OR8K3: variants seen among roughly 807,000 people sequenced by gnomAD.
The protein encoded by OR8K3 is olfactory receptor family 8 subfamily K member 3 (gene/pseudogene), also known as olfactory receptor 8K3.
For missense variants in OR8K3, 448 were observed against 367.4 expected, an observed-to-expected ratio of 1.22 and a Z score of -1.79; for synonymous variants, 167 against 138.8, an observed-to-expected ratio of 1.20 and a Z score of -1.43.
intron 2 of OR8K3, among the ~76,000 whole-genome samples, chr11:56,316,440 A>G (rs991249818): frequency 2.0e-5 from 3 of 151,568 alleles, no homozygotes; most frequent in Non-Finnish European, 3.0e-5. Flanking sequence ...GATTTTTTTT[A>G]ACTAATAATG....
chr11:56,316,942 A>C (rs1047391339), intron 2 of OR8K3, among the ~76,000 whole-genome samples: 5 of 152,006 alleles, frequency 3.3e-5, no homozygotes, highest in African/African-American at 9.7e-5. Context: ...ATATAAAAAT[A>C]ATTTATTTAA....
In OR8K3 at chr11:56,319,452, A is replaced by G. The variant is rs1228087159; in HGVS notation, c.*207A>G. On this transcript the variant is annotated 3_prime_UTR_variant, in exon 3 of 3. Transcript: ENST00000641662. ...CTTGATGGATAGATGAATTGTATTCACAATAAGTCCATTTTATATAACAGT... is the reference window on the plus strand; with the variant it reads ...CTTGATGGATAGATGAATTGTATTCGCAATAAGTCCATTTTATATAACAGT... The G allele has an allele frequency of 1.3e-5, 7 of 547,830 alleles. No homozygotes were observed. The highest frequency in any genetic ancestry group is 1.9e-5 in the Non-Finnish European group (6 of 308,750). 33.9% of individuals were successfully genotyped at this position (547,830 alleles called of 1,614,324 possible).
chr11:56,315,207 T>C (rs1854426074), intron 1 of OR8K3, 40 bp downstream of exon 1: 1 of 152,050 alleles, frequency 6.6e-6, no homozygotes, highest in South Asian at 2.1e-4. Flanking sequence ...TGTGGTGTCA[T>C]ATGTTACAGA....
intron 2 of OR8K3, among the ~76,000 whole-genome samples, chr11:56,316,949 T>A (rs1385989694): frequency 6.6e-6 from 1 of 151,962 alleles, no homozygotes; most frequent in Non-Finnish European, 1.5e-5. Context: ...AATAATTTAT[T>A]TAAAATGTTA....
chr11:56,320,255 A>T lies in OR8K3; in HGVS notation c.*1010A>T, dbSNP rs985955821. 3 of 152,104 alleles carry T rather than the reference A, an allele frequency of 2.0e-5. No individual in the cohort carries two copies. The highest frequency in any genetic ancestry group is 7.2e-5 in the African/African-American group (3 of 41,404). 9.4% of individuals were successfully genotyped at this position (152,104 alleles called of 1,614,324 possible). Reference sequence around the variant, plus strand: ...CTTCACTGTTTGATTGCATCAGTTGATTTTTCTACTTGTACAAAGCAAATA... The same window carrying T: ...CTTCACTGTTTGATTGCATCAGTTGTTTTTTCTACTTGTACAAAGCAAATA... On this transcript the variant is annotated 3_prime_UTR_variant, in exon 3 of 3. Transcript: ENST00000641662.
rs745419344 is a variant in OR8K3, at chr11:56,318,608, T to A, written c.302T>A (p.Leu101Gln). 6.2e-7 allele frequency: 1 copy of A among 1,613,926 alleles called. No individual in the cohort carries two copies. The highest frequency in any genetic ancestry group is 1.3e-5 in the African/African-American group (1 of 75,048). ...TCTTATTATTTTTGTGCAACACAGCTAGCTTTCTTTCTTGTGTTCATTGGT... is the reference window on the plus strand; with the variant it reads ...TCTTATTATTTTTGTGCAACACAGCAAGCTTTCTTTCTTGTGTTCATTGGT... The part of the protein sequence containing the change: ...IISYYFCATQ[L>Q]AFFLVFIGSE... Residue 101 changes from leucine to glutamine, a missense_variant, in exon 3 of 3, where the codon CTA becomes CAA. Coordinates refer to ENST00000641662, the MANE Select transcript of OR8K3 (RefSeq NM_001005202.2).
chr11:56,319,140 C>A lies in OR8K3; in HGVS notation c.834C>A (p.Thr278=), dbSNP rs757529357. 1.9e-6 allele frequency: 3 copies of A among 1,613,206 alleles called. No individual in the cohort carries two copies. The highest frequency in any genetic ancestry group is 2.5e-6 in the Non-Finnish European group (3 of 1,179,214). ...ATAAAGTGGCTTCCATATTTTACAC[C>A]CTGGTTATCCCCATGTTGAATCCCT... is the stretch of plus-strand genomic sequence containing the variant. ...DTDKVASIFY[T]LVIPMLNPLI... is the part of the protein sequence containing the mutation. Residue 278 remains threonine, a synonymous_variant, in exon 3 of 3, where the codon ACC becomes ACA. Transcript: ENST00000641662.
intron 2 of OR8K3, among the ~76,000 whole-genome samples, chr11:56,317,826 TTCTA>T (rs757389737): frequency 2.0e-5 from 3 of 152,108 alleles, no homozygotes; most frequent in Non-Finnish European, 4.4e-5. Context: ...TCTCATATGA[TTCTA>T]TCTGTTCATC....
At position 56,320,083 on chromosome 11, in the gene OR8K3, G is replaced by C. The variant is rs948232707; in HGVS notation, c.*838G>C. On this transcript the variant is annotated 3_prime_UTR_variant, in exon 3 of 3. Transcript: ENST00000641662. Reference sequence around the variant, plus strand: ...TTTATCTAAAAAAAAGTAATAAACTGTGGTTAAAATTTGTGTTCCAGTTGT... The same window carrying C: ...TTTATCTAAAAAAAAGTAATAAACTCTGGTTAAAATTTGTGTTCCAGTTGT... 1.3e-5 allele frequency: 2 copies of C among 152,148 alleles called. No homozygotes were observed. Among genetic ancestry groups the C allele is most frequent in the African/African-American group, 2.4e-5 (1 of 41,434 alleles). The allele number at this position is 152,148 out of a possible 1,614,324, so 9.4% of individuals were successfully genotyped here.
Position 56,316,967 on chromosome 11 carries a change from C to A in OR8K3, c.-24+910C>A, listed in dbSNP as rs141831938. Among the ~76,000 whole-genome samples, 636 of 151,886 alleles carry A rather than the reference C, an allele frequency of 4.2e-3. 7 individuals are homozygous for A. The highest frequency in any genetic ancestry group is 0.015 in the African/African-American group (609 of 41,470). On this transcript the variant is annotated intron_variant, in intron 2 of 2. Coordinates refer to ENST00000641662, the MANE Select transcript of OR8K3 (RefSeq NM_001005202.2). ...AATTTATTTAAAATGTTATTAAATT[C>A]GTTGTGAAAAATAGATAAGTAATCC...
rs149408530 is a variant in OR8K3, at chr11:56,317,638, T to C, written c.-23-646T>C. Among the ~76,000 whole-genome samples, 349 of 152,286 alleles carry C rather than the reference T, an allele frequency of 2.3e-3. 4 individuals are homozygous for C. The highest frequency in any genetic ancestry group is 8.2e-3 in the African/African-American group (341 of 41,570). On this transcript the variant is annotated intron_variant, in intron 2 of 2. Transcript: ENST00000641662. ...TTTGGAATCTGTGACAGAAATTTTT[T>C]ATATAACTAAAATTGTATTATGTCA... is the stretch of plus-strand genomic sequence containing the variant.
intron 2 of OR8K3, among the ~76,000 whole-genome samples, chr11:56,317,569 G>A (rs1232654568): frequency 2.0e-5 from 3 of 151,838 alleles, no homozygotes; most frequent in Non-Finnish European, 4.4e-5. Context: ...AAGAGATAAG[G>A]GTATTCACAG....
At position 56,320,531 on chromosome 11, in the gene OR8K3, A is replaced by G. The variant is rs1418179876; in HGVS notation, c.*1286A>G. Reference sequence around the variant, plus strand: ...AGAGTCTACAATATTTTCTTGGTTCACCATCATAAAATAAAATCCCATGTG... The same window carrying G: ...AGAGTCTACAATATTTTCTTGGTTCGCCATCATAAAATAAAATCCCATGTG... On this transcript the variant is annotated 3_prime_UTR_variant, in exon 3 of 3. Transcript: ENST00000641662. The G allele has an allele frequency of 1.3e-5, 2 of 152,222 alleles. No individual in the cohort carries two copies. Among genetic ancestry groups the G allele is most frequent in the Non-Finnish European group, 2.9e-5 (2 of 68,044 alleles). The allele number at this position is 152,222 out of a possible 1,614,324, so 9.4% of individuals were successfully genotyped here.
rs1400564155 is a variant in OR8K3 at position 56,320,217 on chromosome 11, A to C, written c.*972A>C. 3.9e-5 allele frequency: 6 copies of C among 152,190 alleles called. No homozygotes were observed. The highest frequency in any genetic ancestry group is 5.9e-5 in the Non-Finnish European group (4 of 68,026). 9.4% of individuals were successfully genotyped at this position (152,190 alleles called of 1,614,324 possible). A position where few individuals can be genotyped will look rare whatever the true frequency, so the allele number is the denominator to read the frequency against. ...CAATATGCACTATATCGAATGCACT[A>C]TATTTTCATTTACTTCACTGTTTGA... On this transcript the variant is annotated 3_prime_UTR_variant, in exon 3 of 3. Transcript: ENST00000641662.
intron 2 of OR8K3, among the ~76,000 whole-genome samples, chr11:56,316,840 G>A (rs1854450219): frequency 6.6e-6 from 1 of 151,808 alleles, no homozygotes; most frequent in South Asian, 2.1e-4. Context: ...GATTTTGTAT[G>A]ATAAAACAAA....
rs574384406 is a variant in OR8K3 at position 56,318,740 on chromosome 11, T to C, written c.434T>C (p.Val145Ala). The C allele has an allele frequency of 2.2e-5, 36 of 1,613,892 alleles. No individual in the cohort carries two copies. In the South Asian group the frequency reaches 3.8e-4, roughly 17 times the overall value. The change falls in exon 3 of 3, where the codon GTA (valine) becomes GCA (alanine). Residue 145 changes from valine (V) to alanine (A), a missense_variant. Coordinates refer to ENST00000641662, the MANE Select transcript of OR8K3 (RefSeq NM_001005202.2). The stretch of plus-strand genomic sequence containing the variant: ...TCACGAAGGGTATGTCAGGTGCTGG[T>C]AGCAATCCCTTACCTCTATTGCACA... The part of the protein sequence containing the change: ...IMSRRVCQVL[V>A]AIPYLYCTFI...
chr11:56,317,110 T>C (rs1385787786), intron 2 of OR8K3, among the ~76,000 whole-genome samples: 1 of 152,042 alleles, frequency 6.6e-6, no homozygotes, highest in Non-Finnish European at 1.5e-5. Context: ...GGCATCATTA[T>C]GGTCCTAACA....
At position 56,319,096 on chromosome 11, in the gene OR8K3, A is replaced by C; in HGVS notation, c.790A>C (p.Ser264Arg). 6.2e-7 allele frequency: 1 copy of C among 1,614,110 alleles called. No individual in the cohort carries two copies. Among genetic ancestry groups the C allele is most frequent in the Non-Finnish European group, 8.5e-7 (1 of 1,179,958 alleles). The change falls in exon 3 of 3, where the codon AGT becomes CGT. Residue 264 changes from serine (S) to arginine (R), a missense_variant. Physicochemically the swap from Ser to Arg is moderately radical, Grantham distance 110. Transcript: ENST00000641662. ...LLFMYVQPKS[S>R]HSFDTDKVAS... ...TTTCATGTACGTGCAGCCCAAGTCC[A>C]GTCATTCCTTTGACACTGATAAAGT...
chr11:56,318,477 C>T lies in OR8K3; in HGVS notation c.171C>T (p.Thr57=). 6.2e-7 allele frequency: 1 copy of T among 1,613,988 alleles called. No individual in the cohort carries two copies. The highest frequency in any genetic ancestry group is 1.7e-5 in the Admixed American group (1 of 60,012). ...VLTKLDSRLQ[T]PMYFFLRHLA... ...CCAAGTTGGACTCCAGGTTGCAAAC[C>T]CCTATGTACTTTTTTCTCAGACATC... is the stretch of plus-strand genomic sequence containing the variant. The change falls in exon 3 of 3, where the codon ACC becomes ACT. Residue 57 remains threonine (T), a synonymous_variant. Coordinates refer to ENST00000641662, the MANE Select transcript of OR8K3 (RefSeq NM_001005202.2).
Sources: allele counts gnomAD v4.1 joint callset (sites outside exome capture counted in the v4.1 genomes callset), GRCh38; gene constraint gnomAD v4.1.1; transcripts MANE v1.5; gene names NCBI Gene and HGNC (gene_info 2026-07-23, HGNC 2026-07-21).